ADD3: variants seen among roughly 807,000 people sequenced by gnomAD.
The protein encoded by ADD3 is adducin 3.
ADD3 carries 25 observed loss-of-function variants against 80.2 expected under a neutral mutation model. The ratio of observed to expected loss-of-function variants is 0.31; its 90% CI spans 0.23 to 0.44. The LOEUF (loss-of-function observed/expected upper bound fraction) is 0.44, where lower values mean the gene tolerates loss of function less well. ADD3 is among the 20% of genes least tolerant of loss of function. ADD3 has a pLI of 1.00. For missense variants in ADD3, 829 were observed against 847.5 expected (o/e 0.98, Z 0.27); for synonymous variants, 284 against 289.6 (o/e 0.98, Z 0.20).
intron 1 of ADD3, among the ~76,000 whole-genome samples, chr10:109,999,121 A>T (rs1322431898): frequency 6.6e-6 from 1 of 152,168 alleles, no homozygotes; most frequent in Non-Finnish European, 1.5e-5. Context: ...AAGTGTGGCA[A>T]CTTAAACAAG....
At chr10:110,118,853 G>A (rs186758058) in intron 6 of ADD3, 117 bp downstream of exon 6, 7 of 1,083,306 alleles carry the variant, frequency 6.5e-6, no homozygotes, top group Middle Eastern at 2.2e-4. Context: ...ACAATAATCT[G>A]CATACCCAGA....
At chr10:110,014,882 A>ATT (rs560198251) in intron 1 of ADD3, among the ~76,000 whole-genome samples, 1 of 146,144 alleles carries the variant, frequency 6.8e-6, no homozygotes, top group Non-Finnish European at 1.5e-5. Context: ...GGAAGGTAGA[A>ATT]TTTTTTTTTT....
chr10:110,044,234 T>C (rs1856678167), intron 1 of ADD3, among the ~76,000 whole-genome samples: 1 of 152,122 alleles, frequency 6.6e-6, no homozygotes, highest in Non-Finnish European at 1.5e-5. Context: ...GTTGAACATC[T>C]AGAAAAAGGA....
intron 7 of ADD3, 50 bp from the exon 8 acceptor site, chr10:110,119,415 TG>T: frequency 6.2e-7 from 1 of 1,613,364 alleles, no homozygotes; most frequent in Non-Finnish European, 8.5e-7. Flanking sequence ...ATGAAAACAG[TG>T]TGAGCTATGC....
chr10:110,126,225 A>G (rs1421106307), intron 11 of ADD3, among the ~76,000 whole-genome samples, 192 bp from the exon 12 acceptor site: 1 of 152,244 alleles, frequency 6.6e-6, no homozygotes, highest in African/African-American at 2.4e-5. Context: ...ACGAAAGGAA[A>G]TAACTTGCCA....
chr10:110,072,614 T>G (rs1180338760), intron 1 of ADD3, among the ~76,000 whole-genome samples: 1 of 152,154 alleles, frequency 6.6e-6, no homozygotes, highest in East Asian at 1.9e-4. Flanking sequence ...ATCCCTCAAA[T>G]AGGAAATTAT....
At chr10:110,114,607 G>A (rs973047095) in intron 3 of ADD3, among the ~76,000 whole-genome samples, 1 of 152,168 alleles carries the variant, frequency 6.6e-6, no homozygotes, top group African/African-American at 2.4e-5. Flanking sequence ...GGTTACCCAG[G>A]AGAGGTTAAG....
chr10:110,012,559 A>C lies in ADD3; in HGVS notation c.-30+4260A>C, dbSNP rs180807529. Among the ~76,000 whole-genome samples the C allele has an allele frequency of 3.9e-4, 60 of 152,366 alleles. No individual in the cohort carries two copies. In the East Asian group the frequency reaches 0.01, roughly 25 times the overall value. On this transcript the variant is annotated intron_variant, in intron 1 of 14. Coordinates refer to ENST00000356080, the MANE Select transcript of ADD3 (RefSeq NM_016824.5). ...ACCTTAAAGAATGAATGTGGCTTTC[A>C]GAGTTGTCTAGCATAATCCAAATAG...
intron 1 of ADD3, among the ~76,000 whole-genome samples, chr10:110,083,803 C>T (rs1341256771): frequency 1.3e-5 from 2 of 152,062 alleles, no homozygotes; most frequent in African/African-American, 2.4e-5. Flanking sequence ...TTTGTTGCAA[C>T]CAAGGATCCC....
intron 1 of ADD3, among the ~76,000 whole-genome samples, chr10:110,084,411 ATGTGCTTAAAAT>A (rs1846445979): frequency 6.6e-6 from 1 of 152,214 alleles, no homozygotes; most frequent in South Asian, 2.1e-4. Context: ...AGCACCTGAA[ATGTGCTTAAAAT>A]TGTGCTTACC....
At chr10:109,997,068 G>A (rs1172493542) in intron 1 of ADD3, among the ~76,000 whole-genome samples, 1 of 152,202 alleles carries the variant, frequency 6.6e-6, no homozygotes, top group Non-Finnish European at 1.5e-5. Context: ...GGAATTTATT[G>A]GAAGAATAAG....
chr10:110,007,139 C>T (rs1481075716), upstream of ADD3, among the ~76,000 whole-genome samples: 5 of 152,168 alleles, frequency 3.3e-5, no homozygotes, highest in African/African-American at 9.7e-5. Context: ...AAAGTTTGCC[C>T]GGCCCCGCAT....
intron 2 of ADD3, among the ~76,000 whole-genome samples, chr10:110,106,252 GTTA>G (rs1849385335): frequency 6.7e-6 from 1 of 150,028 alleles, no homozygotes; most frequent in Non-Finnish European, 1.5e-5. Flanking sequence ...ATTTATCAGT[GTTA>G]TTATCTGAGT....
upstream of ADD3, among the ~76,000 whole-genome samples, chr10:110,006,905 T>C (rs1263017809): frequency 6.6e-6 from 1 of 151,752 alleles, no homozygotes; most frequent in Non-Finnish European, 1.5e-5. Flanking sequence ...TAGGGTGGGG[T>C]TGGCCCAAGG....
intron 1 of ADD3, among the ~76,000 whole-genome samples, chr10:110,038,536 AT>A (rs2133264746): frequency 6.6e-6 from 1 of 152,340 alleles, no homozygotes; most frequent in Non-Finnish European, 1.5e-5. Context: ...AATCTGTCTT[AT>A]TATTAACTGT....
intron 14 of ADD3, 98 bp downstream of exon 14, chr10:110,132,498 C>T: frequency 4.4e-6 from 3 of 681,362 alleles, no homozygotes; most frequent in Non-Finnish European, 7.6e-6. Context: ...TACCTCATCA[C>T]AGTAAGTTTT....
intron 1 of ADD3, among the ~76,000 whole-genome samples, chr10:110,032,639 T>C (rs541255422): frequency 6.6e-6 from 1 of 152,276 alleles, no homozygotes; most frequent in African/African-American, 2.4e-5. Flanking sequence ...GACTAGGTGG[T>C]GTGGATTCAG....
At chr10:110,125,665 C>CT (rs1308853887) in intron 10 of ADD3, 161 bp from the exon 11 acceptor site, 3 of 418,906 alleles carry the variant, frequency 7.2e-6, no homozygotes, top group Non-Finnish European at 1.2e-5. Context: ...TGAGCCTTTT[C>CT]TAACTAGTAT....
intron 1 of ADD3, among the ~76,000 whole-genome samples, chr10:110,043,734 G>T (rs1856617556): frequency 6.6e-6 from 1 of 152,132 alleles, no homozygotes; most frequent in South Asian, 2.1e-4. Flanking sequence ...CACTATGGGG[G>T]ATACAATGAT....
Sources: gnomAD v4.1 joint callset for allele counts (sites outside exome capture counted in the v4.1 genomes callset) on GRCh38, gnomAD v4.1.1 for gene constraint, MANE v1.5 for transcripts, NCBI Gene and HGNC (gene_info 2026-07-23, HGNC 2026-07-21) for gene names.